The following SATB2 variants were observed in gnomAD, a reference collection of about 807,000 sequenced individuals.
SATB2 encodes SATB homeobox 2, also known as DNA-binding protein SATB2.
In SATB2, 1 loss-of-function variant was observed where a neutral mutation model predicts 73.4. That is an observed-to-expected ratio of 0.01 (90% confidence interval 0.00 to 0.06). The LOEUF (loss-of-function observed/expected upper bound fraction) is 0.06. Among genes scored for constraint, SATB2 ranks in the 10% least tolerant of loss-of-function variants. SATB2 has a pLI of 1.00. For missense variants in SATB2, 459 were observed against 945.8 expected, an observed-to-expected ratio of 0.49 and a Z score of 6.75; for synonymous variants, 397 against 367.0, an observed-to-expected ratio of 1.08 and a Z score of -0.93.
At chr2:199,341,501 C>T (rs911921370) in intron 7 of SATB2, among the ~76,000 whole-genome samples, 2 of 152,154 alleles carry the variant, frequency 1.3e-5, no homozygotes, top group South Asian at 2.1e-4. Flanking sequence ...TTACATCCAA[C>T]GTCTGTTTCT....
intron 9 of SATB2, among the ~76,000 whole-genome samples, chr2:199,318,985 G>T (rs1687810349): frequency 6.6e-6 from 1 of 150,716 alleles, no homozygotes; most frequent in African/African-American, 2.4e-5. Flanking sequence ...TTGTTAAGTA[G>T]TTGAGAACTT....
In SATB2 at chr2:199,323,938, T is replaced by G. The variant is rs373031055; in HGVS notation, c.1407A>C (p.Thr469=). 6.2e-7 allele frequency: 1 copy of G among 1,613,482 alleles called. No individual in the cohort carries two copies. Among genetic ancestry groups the G allele is most frequent in the Non-Finnish European group, 8.5e-7 (1 of 1,179,534 alleles). ...CGTCCACCTTAATAGGGAGGTCTGT[T>G]GTCGGTGTCGAGGTTTTGGCCTACC... The part of the protein sequence containing the change: ...RTPQAKTSTP[T]TDLPIKVDGA... The change falls in exon 9 of 11, where the codon ACA becomes ACC. Residue 469 remains threonine (T), a synonymous_variant. Transcript: ENST00000417098.
intron 7 of SATB2, among the ~76,000 whole-genome samples, chr2:199,338,894 G>T (rs1201432824): frequency 1.3e-5 from 2 of 149,872 alleles, no homozygotes; most frequent in Non-Finnish European, 1.5e-5. Context: ...TCTGGGCCTG[G>T]GTGACAGAGC....
chr2:199,342,105 G>A (rs890276991), intron 7 of SATB2, among the ~76,000 whole-genome samples: 5 of 152,162 alleles, frequency 3.3e-5, no homozygotes, highest in African/African-American at 1.2e-4. Flanking sequence ...CCAAACTGGA[G>A]AGATGTTAAC....
chr2:199,335,294 T>A (rs774803151), intron 7 of SATB2, among the ~76,000 whole-genome samples: 28 of 152,270 alleles, frequency 1.8e-4, no homozygotes, highest in Non-Finnish European at 3.4e-4. Flanking sequence ...CTAAAGGGAA[T>A]TAATGTATTC....
At chr2:199,378,691 T>C (rs1394702279) in intron 5 of SATB2, among the ~76,000 whole-genome samples, 1 of 152,150 alleles carries the variant, frequency 6.6e-6, no homozygotes, top group Non-Finnish European at 1.5e-5. Flanking sequence ...CACACACACA[T>C]TCAGTTCACA....
intron 7 of SATB2, among the ~76,000 whole-genome samples, chr2:199,330,149 T>G (rs1458837260): frequency 6.6e-6 from 1 of 152,154 alleles, no homozygotes; most frequent in Non-Finnish European, 1.5e-5. Context: ...GGCTTAAATA[T>G]GAAAAGGCAA....
At chr2:199,370,747 A>C (rs578205104) in intron 5 of SATB2, among the ~76,000 whole-genome samples, 1 of 152,212 alleles carries the variant, frequency 6.6e-6, no homozygotes, top group Admixed American at 6.6e-5. Flanking sequence ...TGCACAAGGC[A>C]GAGTGGCAAG....
chr2:199,437,358 C>G (rs1203403432), intron 2 of SATB2, among the ~76,000 whole-genome samples: 1 of 152,144 alleles, frequency 6.6e-6, no homozygotes, highest in East Asian at 1.9e-4. Context: ...GCCTGGTACC[C>G]TCTCTACACT....
At chr2:199,451,134 T>A (rs1237242435) in intron 2 of SATB2, among the ~76,000 whole-genome samples, 3 of 131,258 alleles carry the variant, frequency 2.3e-5, no homozygotes, top group South Asian at 2.6e-4. Flanking sequence ...ACACACACAC[T>A]GCACTACAGA....
intron 5 of SATB2, among the ~76,000 whole-genome samples, chr2:199,376,095 G>A (rs920654206): frequency 3.9e-5 from 6 of 152,178 alleles, no homozygotes; most frequent in Admixed American, 2.0e-4. Flanking sequence ...GATAATGGCT[G>A]TAGGATGAAT....
chr2:199,402,450 C>T (rs897028043), intron 3 of SATB2, among the ~76,000 whole-genome samples: 2 of 151,742 alleles, frequency 1.3e-5, no homozygotes. Flanking sequence ...CTCAGCTACC[C>T]GAAAGGCTGA....
At chr2:199,401,271 G>A (rs1203098473) in intron 3 of SATB2, among the ~76,000 whole-genome samples, 1 of 152,092 alleles carries the variant, frequency 6.6e-6, no homozygotes, top group Non-Finnish European at 1.5e-5. Context: ...GATGAGGCTG[G>A]GAACGGTGGC....
intron 3 of SATB2, among the ~76,000 whole-genome samples, chr2:199,405,842 A>T (rs934411219): frequency 1.3e-5 from 2 of 152,100 alleles, no homozygotes; most frequent in African/African-American, 4.8e-5. Context: ...ATCCATTCTT[A>T]TTTAGAAATT....
At chr2:199,411,182 G>C (rs537490653) in intron 3 of SATB2, among the ~76,000 whole-genome samples, 21 of 150,788 alleles carry the variant, frequency 1.4e-4, no homozygotes, top group Non-Finnish European at 3.1e-4. Flanking sequence ...TTTGCCACCT[G>C]TGACGGGTTC....
chr2:199,392,428 T>A (rs1052928721), intron 3 of SATB2, among the ~76,000 whole-genome samples: 2 of 149,968 alleles, frequency 1.3e-5, no homozygotes, highest in African/African-American at 4.9e-5. Context: ...AAAAAAAAAA[T>A]AGTTTCTTGT....
At chr2:199,302,513 T>G (rs2009622) in intron 10 of SATB2, among the ~76,000 whole-genome samples, 87,279 of 151,946 alleles carry the variant, frequency 0.57, 27,819 homozygotes, top group Non-Finnish European at 0.71. Flanking sequence ...TCTTCCCAAG[T>G]GAGGACCTAC....
chr2:199,438,523 T>G (rs1239858081), intron 2 of SATB2, among the ~76,000 whole-genome samples: 2 of 152,178 alleles, frequency 1.3e-5, no homozygotes, highest in Non-Finnish European at 2.9e-5. Context: ...CTTCTTTTAT[T>G]AGGGAACAGC....
chr2:199,379,698 T>G (rs1689711416), intron 5 of SATB2, among the ~76,000 whole-genome samples: 1 of 150,164 alleles, frequency 6.7e-6, no homozygotes, highest in Non-Finnish European at 1.5e-5. Context: ...TTTTTTTTTT[T>G]TTTTAGAGAC....
Sources: allele counts gnomAD v4.1 joint callset (sites outside exome capture counted in the v4.1 genomes callset), GRCh38; gene constraint gnomAD v4.1.1; transcripts MANE v1.5; gene names NCBI Gene and HGNC (gene_info 2026-07-23, HGNC 2026-07-21).